SOX5: variants seen among roughly 807,000 people sequenced by gnomAD.
SOX5 encodes the protein SRY-box transcription factor 5.
A neutral mutation model predicts 92.0 loss-of-function variants in SOX5; 9 were observed. That is an observed-to-expected ratio of 0.10 (90% CI 0.06 to 0.17). The LOEUF is 0.17. SOX5 is among the 10% of genes least tolerant of loss of function. The pLI, the probability that SOX5 is intolerant of heterozygous loss-of-function variation, is 1.00. For synonymous variants in SOX5, 344 were observed against 336.3 expected (o/e 1.02, Z -0.25); for missense variants, 642 against 944.5 (o/e 0.68, Z 4.20).
chr12:23,982,299 C>T (rs1949647880), intron 4 of SOX5, among the ~76,000 whole-genome samples: 1 of 152,196 alleles, frequency 6.6e-6, no homozygotes, highest in Non-Finnish European at 1.5e-5. Flanking sequence ...ACCTGTGAAA[C>T]AGGAAAAACT....
At chr12:24,344,866 G>T (rs1439135879) in intron 2 of SOX5, among the ~76,000 whole-genome samples, 1 of 152,098 alleles carries the variant, frequency 6.6e-6, no homozygotes, top group Admixed American at 6.6e-5. Flanking sequence ...ACTCTTATCA[G>T]CAAATGGAAC....
intron 2 of SOX5, among the ~76,000 whole-genome samples, chr12:23,849,588 C>G (rs2096609139): frequency 6.6e-6 from 1 of 152,118 alleles, no homozygotes; most frequent in South Asian, 2.1e-4. Context: ...ATGTCTGTAT[C>G]TACCAATGTT....
At chr12:23,789,017 G>T (rs1198618515) in intron 3 of SOX5, among the ~76,000 whole-genome samples, 1 of 151,864 alleles carries the variant, frequency 6.6e-6, no homozygotes, top group African/African-American at 2.4e-5. Flanking sequence ...TTTCTTCAGA[G>T]AGCAGAGCTG....
intron 1 of SOX5, among the ~76,000 whole-genome samples, chr12:24,427,779 A>G (rs1428965308): frequency 3.9e-5 from 6 of 152,342 alleles, no homozygotes; most frequent in Middle Eastern, 3.4e-3. Context: ...GAAATCCACG[A>G]CGGTGGAAAT....
chr12:23,752,919 A>G (rs1213342750), intron 4 of SOX5, among the ~76,000 whole-genome samples: 1 of 151,846 alleles, frequency 6.6e-6, no homozygotes, highest in South Asian at 2.1e-4. Flanking sequence ...ATTGTTTCTA[A>G]TGTAACTTTA....
At chr12:23,956,498 G>A in intron 4 of SOX5, among the ~76,000 whole-genome samples, 1 of 152,048 alleles carries the variant, frequency 6.6e-6, no homozygotes, top group Admixed American at 6.5e-5. Context: ...AGAGTCTAAT[G>A]CCTGATGATC....
At chr12:23,622,383 T>C (rs1327672837) in intron 8 of SOX5, among the ~76,000 whole-genome samples, 1 of 152,122 alleles carries the variant, frequency 6.6e-6, no homozygotes, top group African/African-American at 2.4e-5. Flanking sequence ...AGTGACAAAT[T>C]AGCTTTTTTA....
chr12:23,985,849 G>C (rs761381808), intron 4 of SOX5, among the ~76,000 whole-genome samples: 5 of 152,078 alleles, frequency 3.3e-5, no homozygotes, highest in African/African-American at 4.8e-5. Context: ...TTTTCTGGAA[G>C]TTCTTGGGAA....
At chr12:24,544,773 TA>T (rs770537470) in intron 1 of SOX5, among the ~76,000 whole-genome samples, 3 of 152,330 alleles carry the variant, frequency 2.0e-5, no homozygotes, top group South Asian at 4.1e-4. Context: ...TCAAACCCAT[TA>T]AATTGCCAAA....
At chr12:24,084,760 C>A (rs773612665) in intron 4 of SOX5, among the ~76,000 whole-genome samples, 1 of 152,012 alleles carries the variant, frequency 6.6e-6, no homozygotes, top group Non-Finnish European at 1.5e-5. Flanking sequence ...AGTGTAAACC[C>A]AAAAGGCATA....
intron 4 of SOX5, among the ~76,000 whole-genome samples, chr12:23,999,379 T>C (rs1196586384): frequency 6.6e-6 from 1 of 152,166 alleles, no homozygotes; most frequent in African/African-American, 2.4e-5. Flanking sequence ...TCTAGATACC[T>C]AGTATACAAC....
chr12:24,400,202 T>C (rs1961180575), intron 1 of SOX5, among the ~76,000 whole-genome samples: 1 of 152,198 alleles, frequency 6.6e-6, no homozygotes, highest in East Asian at 1.9e-4. Flanking sequence ...AAATTTCAGT[T>C]GAAACTTTCA....
intron 4 of SOX5, among the ~76,000 whole-genome samples, chr12:23,973,153 CTTTT>C (rs1369572904): frequency 7.8e-6 from 1 of 128,786 alleles, no homozygotes; most frequent in Non-Finnish European, 1.6e-5. Context: ...GAATTTCTAA[CTTTT>C]TTCTTTTTTT....
intron 4 of SOX5, among the ~76,000 whole-genome samples, chr12:24,104,931 C>T (rs1946507531): frequency 6.6e-6 from 1 of 152,184 alleles, no homozygotes; most frequent in African/African-American, 2.4e-5. Context: ...ATAGTCCTGT[C>T]AGGTTTGAAA....
intron 4 of SOX5, among the ~76,000 whole-genome samples, chr12:24,075,710 T>C (rs933564940): frequency 6.6e-6 from 1 of 152,210 alleles, no homozygotes; most frequent in Non-Finnish European, 1.5e-5. Flanking sequence ...GCTCCTCAGC[T>C]GGACTCTAAC....
intron 4 of SOX5, among the ~76,000 whole-genome samples, chr12:24,176,977 GTT>G (rs11295163): frequency 0.37 from 50,095 of 134,074 alleles, 7,699 homozygotes; most frequent in Middle Eastern, 0.42. Flanking sequence ...TTTGTTTTTT[GTT>G]TTTTTTTTTT....
intron 1 of SOX5, among the ~76,000 whole-genome samples, chr12:24,410,054 G>A (rs1476190870): frequency 6.6e-6 from 1 of 151,474 alleles, no homozygotes; most frequent in Non-Finnish European, 1.5e-5. Context: ...TTGGAATGCA[G>A]TTGTGCAATC....
intron 3 of SOX5, among the ~76,000 whole-genome samples, chr12:24,233,667 T>C (rs918231167): frequency 6.6e-6 from 1 of 152,192 alleles, no homozygotes; most frequent in African/African-American, 2.4e-5. Flanking sequence ...GTTTGTGAGT[T>C]CTCTGAATTT....
intron 1 of SOX5, among the ~76,000 whole-genome samples, chr12:23,940,288 T>A (rs1943371019): frequency 6.6e-6 from 1 of 151,220 alleles, no homozygotes; most frequent in Non-Finnish European, 1.5e-5. Flanking sequence ...CACCTAATCC[T>A]AAATAAGAAT....
Sources: gnomAD v4.1 joint callset for allele counts (sites outside exome capture counted in the v4.1 genomes callset) on GRCh38, gnomAD v4.1.1 for gene constraint, MANE v1.5 for transcripts, NCBI Gene and HGNC (gene_info 2026-07-23, HGNC 2026-07-21) for gene names.